The following HDX variants were observed in gnomAD, a reference collection of about 807,000 sequenced individuals.
HDX encodes the protein chromosome X open reading frame 43.
Under a neutral mutation model 45.2 loss-of-function variants are expected in HDX, and 19 were observed. The ratio of observed to expected loss-of-function variants is 0.42; its 90% CI spans 0.29 to 0.62. HDX has a LOEUF of 0.62. Among genes scored for constraint, HDX ranks in the 20% least tolerant of loss-of-function variants. HDX has a pLI of 0.20. For missense variants in HDX, 532 were observed against 493.9 expected (o/e 1.08, Z -0.73); for synonymous variants, 188 against 172.8 (o/e 1.09, Z -0.69).
At chrX:84,408,857 C>G (rs893256350) in intron 5 of HDX, among the ~76,000 whole-genome samples, 1 of 109,679 alleles carries the variant, frequency 9.1e-6, no homozygotes, top group Non-Finnish European at 1.9e-5. Context: ...TGATTTGGCT[C>G]TCTGCTTGTA....
At chrX:84,467,200 A>G (rs371654828) in intron 4 of HDX, among the ~76,000 whole-genome samples, 1 of 111,412 alleles carries the variant, frequency 9.0e-6, no homozygotes, top group East Asian at 2.8e-4. Context: ...CCTATACTGT[A>G]TTATTGCTTT....
intron 4 of HDX, among the ~76,000 whole-genome samples, chrX:84,451,417 C>T (rs924763940): frequency 1.8e-5 from 2 of 110,100 alleles, no homozygotes; most frequent in Non-Finnish European, 3.8e-5. Context: ...AACTAGAAAA[C>T]CTAGAGGAAA....
chrX:84,483,114 C>A (rs1000215885), intron 2 of HDX, among the ~76,000 whole-genome samples: 2 of 111,195 alleles, frequency 1.8e-5, no homozygotes, highest in African/African-American at 6.5e-5. Context: ...TACAGCGCCC[C>A]CCTCAGCTGA....
chrX:84,337,285 A>G (rs1054512814), intron 7 of HDX, among the ~76,000 whole-genome samples: 51 of 111,357 alleles, frequency 4.6e-4, no homozygotes, highest in African/African-American at 1.7e-3. Flanking sequence ...GTGGATACAT[A>G]TAACATTAAT....
At chrX:84,385,798 CAGAG>C (rs1320543788) in intron 5 of HDX, among the ~76,000 whole-genome samples, 1 of 105,227 alleles carries the variant, frequency 9.5e-6, no homozygotes, top group Non-Finnish European at 1.9e-5. Context: ...ATATCGTCAA[CAGAG>C]AGATAATTTG....
intron 4 of HDX, among the ~76,000 whole-genome samples, chrX:84,464,826 G>A (rs1261640321): frequency 8.9e-6 from 1 of 111,755 alleles, no homozygotes; most frequent in South Asian, 3.7e-4. Flanking sequence ...TTGACAAATG[G>A]CATCTAATTA....
intron 5 of HDX, among the ~76,000 whole-genome samples, chrX:84,384,643 G>T (rs1322991773): frequency 1.8e-5 from 2 of 108,744 alleles, no homozygotes; most frequent in African/African-American, 3.4e-5. Flanking sequence ...TTTCCTGTAA[G>T]ATTTTTGTAG....
chrX:84,363,879 G>C (rs914328562), intron 5 of HDX, among the ~76,000 whole-genome samples: 2 of 111,368 alleles, frequency 1.8e-5, no homozygotes, highest in Admixed American at 1.9e-4. Flanking sequence ...TGAGGTGAAG[G>C]AGGGAGGCAA....
At chrX:84,408,499 G>GTTTTTTTTTTTTTTTTTTTTT (rs1220751208) in intron 5 of HDX, among the ~76,000 whole-genome samples, 5 of 44,433 alleles carry the variant, frequency 1.1e-4, no homozygotes, top group East Asian at 8.2e-4. Context: ...CTCCAGCTTT[G>GTTTTTTTTTTTTTTTTTTTTT]TTTTTTTTTT....
intron 1 of HDX, among the ~76,000 whole-genome samples, chrX:84,492,046 T>A (rs1189350344): frequency 9.0e-6 from 1 of 111,111 alleles, no homozygotes; most frequent in East Asian, 2.9e-4. Flanking sequence ...TCCAGTACAC[T>A]GTTCCTCAAA....
At chrX:84,398,423 C>A (rs1353707731) in intron 5 of HDX, among the ~76,000 whole-genome samples, 1 of 111,450 alleles carries the variant, frequency 9.0e-6, no homozygotes, top group Non-Finnish European at 1.9e-5. Context: ...GGATTCCAAT[C>A]CTAGTCTCTG....
intron 7 of HDX, among the ~76,000 whole-genome samples, chrX:84,340,809 G>A (rs1205344694): frequency 1.8e-5 from 2 of 111,009 alleles, no homozygotes; most frequent in Admixed American, 9.6e-5. Context: ...ATAAGCCACC[G>A]ATAAAAAATT....
At chrX:84,322,665 A>G (rs1569272098) in intron 10 of HDX, among the ~76,000 whole-genome samples, 1 of 110,643 alleles carries the variant, frequency 9.0e-6, no homozygotes, top group Non-Finnish European at 1.9e-5. Flanking sequence ...TCTCTGCTTG[A>G]GTAATAAGGA....
chrX:84,434,973 T>C (rs770531373), intron 5 of HDX, among the ~76,000 whole-genome samples: 1 of 110,763 alleles, frequency 9.0e-6, no homozygotes, highest in Non-Finnish European at 1.9e-5. Context: ...TTCATAGTAG[T>C]TTTAATGATC....
intron 5 of HDX, among the ~76,000 whole-genome samples, chrX:84,366,021 TAGGAAGAG>T (rs1371777499): frequency 2.7e-5 from 3 of 111,338 alleles, no homozygotes; most frequent in Non-Finnish European, 5.6e-5. Flanking sequence ...GGAATTCAAA[TAGGAAGAG>T]AGGAAGTCAA....
intron 5 of HDX, among the ~76,000 whole-genome samples, chrX:84,434,997 T>C (rs1471209658): frequency 9.0e-6 from 1 of 110,759 alleles, no homozygotes; most frequent in Non-Finnish European, 1.9e-5. Context: ...TTTATTTGTT[T>C]GGTATCCAGT....
intron 2 of HDX, among the ~76,000 whole-genome samples, chrX:84,485,331 A>C (rs1361516046): frequency 8.9e-6 from 1 of 112,084 alleles, no homozygotes; most frequent in African/African-American, 3.2e-5. Flanking sequence ...AATTACTAAA[A>C]GAAGAATGGT....
intron 5 of HDX, among the ~76,000 whole-genome samples, chrX:84,417,750 T>C (rs998318388): frequency 1.8e-5 from 2 of 111,834 alleles, no homozygotes; most frequent in African/African-American, 3.3e-5. Context: ...TTCAGTGCAC[T>C]CCCCAAGGAG....
intron 4 of HDX, among the ~76,000 whole-genome samples, chrX:84,467,623 C>CA (rs576047136): frequency 0.089 from 5,714 of 64,445 alleles, 454 homozygotes; most frequent in African/African-American, 0.25. Context: ...AAGACTCCGT[C>CA]AAAAAAAAAA....
Sources: gnomAD v4.1 joint callset for allele counts (sites outside exome capture counted in the v4.1 genomes callset) on GRCh38, gnomAD v4.1.1 for gene constraint, MANE v1.5 for transcripts, NCBI Gene and HGNC (gene_info 2026-07-23, HGNC 2026-07-21) for gene names.